Variants in FXN observed in about 807,000 individuals in gnomAD.
FXN encodes the protein frataxin.
FXN carries 14 observed loss-of-function variants against 22.4 expected under a neutral mutation model. That is an observed-to-expected ratio of 0.62 (90% CI 0.41 to 0.98). The LOEUF (loss-of-function observed/expected upper bound fraction) is 0.98, where lower values mean the gene tolerates loss of function less well. Ranked by LOEUF, FXN falls within the 50% of genes least tolerant of loss-of-function variation. The pLI is 0.00. For synonymous variants in FXN, 120 were observed against 114.1 expected (o/e 1.05, Z -0.33); for missense variants, 267 against 268.4 (o/e 0.99, Z 0.04).
In FXN at chr9:69,063,829, G is replaced by A. The variant is rs530185678; in HGVS notation, c.385-1109G>A. The stretch of plus-strand genomic sequence containing the variant: ...CTCCCAAGTAGCTGGGACCACAGGC[G>A]CATGCCACCACACTTGGCTAATTTT... On this transcript the variant is annotated intron_variant, in intron 3 of 4. Coordinates refer to ENST00000484259, the MANE Select transcript of FXN (RefSeq NM_000144.5). 1.6e-4 allele frequency among the ~76,000 whole-genome samples: 24 copies of A among 152,174 alleles called. No homozygotes were observed. In the South Asian group the frequency reaches 4.4e-3, roughly 28 times the overall value.
At position 69,078,204 on chromosome 9, in the gene FXN, C is replaced by T; in HGVS notation, c.*5442C>T. Reference sequence around the variant, plus strand: ...GCTGTGTACTGCACATCTCCAGGTGCCACTGTTGACAGAGATTATAACTAC... The same window carrying T: ...GCTGTGTACTGCACATCTCCAGGTGTCACTGTTGACAGAGATTATAACTAC... On this transcript the variant is annotated 3_prime_UTR_variant, in exon 5 of 5. Coordinates refer to ENST00000484259, the MANE Select transcript of FXN (RefSeq NM_000144.5). 1 of 984,178 alleles carries T rather than the reference C, an allele frequency of 1.0e-6. No individual in the cohort carries two copies. Among genetic ancestry groups the T allele is most frequent in the East Asian group, 1.1e-4 (1 of 8,802 alleles). 61.0% of individuals were successfully genotyped at this position (984,178 alleles called of 1,614,324 possible).
intron 2 of FXN, among the ~76,000 whole-genome samples, chr9:69,047,585 G>A (rs557837336): frequency 1.3e-5 from 2 of 152,332 alleles, no homozygotes; most frequent in East Asian, 3.9e-4. Context: ...AAGGCAGGCA[G>A]GCAGTGGGAA....
rs1241953883 is a variant in FXN at position 69,074,852 on chromosome 9, G to C, written c.*2090G>C. On this transcript the variant is annotated 3_prime_UTR_variant, in exon 5 of 5. Transcript: ENST00000484259. Reference sequence around the variant, plus strand: ...AGTCTGATGGAAATGTTTAAGTGCAGTAGGCCAGTGCCAGTGAGAAAATAA... The same window carrying C: ...AGTCTGATGGAAATGTTTAAGTGCACTAGGCCAGTGCCAGTGAGAAAATAA... 1 of 984,460 alleles carries C rather than the reference G, an allele frequency of 1.0e-6. No homozygotes were observed. The highest frequency in any genetic ancestry group is 1.2e-6 in the Non-Finnish European group (1 of 828,998). The allele number at this position is 984,460 out of a possible 1,614,324, so 61.0% of individuals were successfully genotyped here. A position where few individuals can be genotyped will look rare whatever the true frequency, so the allele number is the denominator to read the frequency against.
At chr9:69,060,853 G>A (rs1832058790) in intron 3 of FXN, among the ~76,000 whole-genome samples, 1 of 152,196 alleles carries the variant, frequency 6.6e-6, no homozygotes, top group Non-Finnish European at 1.5e-5. Flanking sequence ...GGAGGTGCTA[G>A]ACCTGCAGAT....
In FXN at chr9:69,077,032, G is replaced by A. The variant is rs1223873475; in HGVS notation, c.*4270G>A. On this transcript the variant is annotated 3_prime_UTR_variant, in exon 5 of 5. Coordinates refer to ENST00000484259, the MANE Select transcript of FXN (RefSeq NM_000144.5). Reference sequence around the variant, plus strand: ...TGGGTTCAAGCAATTCTCTGCCTCAGCCTCCCGAGTAGCTGGGATTACAGG... The same window carrying A: ...TGGGTTCAAGCAATTCTCTGCCTCAACCTCCCGAGTAGCTGGGATTACAGG... 4 of 549,850 alleles carry A rather than the reference G, an allele frequency of 7.3e-6. No homozygotes were observed. In the East Asian group the frequency reaches 5.9e-4, roughly 81 times the overall value. The allele number at this position is 549,850 out of a possible 1,614,324, so 34.1% of individuals were successfully genotyped here.
At chr9:69,057,166 A>C (rs1320851965) in intron 3 of FXN, among the ~76,000 whole-genome samples, 2 of 151,198 alleles carry the variant, frequency 1.3e-5, no homozygotes, top group East Asian at 1.9e-4. Context: ...TCCTGTTTGA[A>C]CTCCTTTCCC....
rs1178634975 is a variant in FXN, at chr9:69,078,285, C to T, written c.*5523C>T. 9 of 985,102 alleles carry T rather than the reference C, an allele frequency of 9.1e-6. No individual in the cohort carries two copies. The highest frequency in any genetic ancestry group is 6.1e-5 in the Admixed American group (1 of 16,272). 61.0% of individuals were successfully genotyped at this position (985,102 alleles called of 1,614,324 possible). ...ATGCAAACCGTCCAGAGCATAGCCACCTGATCCTGCTGGGATTCCTCTTGC... is the reference window on the plus strand; with the variant it reads ...ATGCAAACCGTCCAGAGCATAGCCATCTGATCCTGCTGGGATTCCTCTTGC... On this transcript the variant is annotated 3_prime_UTR_variant, in exon 5 of 5. Transcript: ENST00000484259.
intron 3 of FXN, among the ~76,000 whole-genome samples, chr9:69,055,990 C>T (rs1280626859): frequency 2.0e-5 from 3 of 152,192 alleles, no homozygotes; most frequent in South Asian, 2.1e-4. Flanking sequence ...CTCAAGTGAT[C>T]GTTCCACCTC....
rs1444153422 is a variant in FXN, at chr9:69,076,170, C to G, written c.*3408C>G. 2.0e-6 allele frequency: 2 copies of G among 983,774 alleles called. No individual in the cohort carries two copies. Among genetic ancestry groups the G allele is most frequent in the Non-Finnish European group, 2.4e-6 (2 of 829,490 alleles). 60.9% of individuals were successfully genotyped at this position (983,774 alleles called of 1,614,324 possible). A position where few individuals can be genotyped will look rare whatever the true frequency, so the allele number is the denominator to read the frequency against. ...TTGAATCACAAATTTAGAATTTAAT[C>G]GAAACTCTGCCTCTTACTTGTTTGT... On this transcript the variant is annotated 3_prime_UTR_variant, in exon 5 of 5. Transcript: ENST00000484259.
chr9:69,067,367 C>T (rs894850393), intron 4 of FXN, among the ~76,000 whole-genome samples: 4 of 152,252 alleles, frequency 2.6e-5, no homozygotes, highest in Admixed American at 2.0e-4. Context: ...CAGGATTCCG[C>T]GGGAAGATCC....
chr9:69,076,493 T>C lies in FXN; in HGVS notation c.*3731T>C. On this transcript the variant is annotated 3_prime_UTR_variant, in exon 5 of 5. Transcript: ENST00000484259. Reference sequence around the variant, plus strand: ...TTTATCGTGTGCCTTACCATGCTTATATTTTACTTGATCTTTTGCATACCT... The same window carrying C: ...TTTATCGTGTGCCTTACCATGCTTACATTTTACTTGATCTTTTGCATACCT... 1.0e-6 allele frequency: 1 copy of C among 985,464 alleles called. No individual in the cohort carries two copies. The highest frequency in any genetic ancestry group is 1.2e-6 in the Non-Finnish European group (1 of 829,910). The allele number at this position is 985,464 out of a possible 1,614,324, so 61.0% of individuals were successfully genotyped here.
At chr9:69,047,336 G>GAC (rs1028907172) in intron 2 of FXN, among the ~76,000 whole-genome samples, 47 of 146,768 alleles carry the variant, frequency 3.2e-4, no homozygotes, top group African/African-American at 9.6e-4. Flanking sequence ...CACAGACACA[G>GAC]ACACACACAC....
intron 1 of FXN, among the ~76,000 whole-genome samples, chr9:69,037,322 C>T (rs1476547356): frequency 7.9e-6 from 1 of 126,076 alleles, no homozygotes; most frequent in African/African-American, 2.9e-5. Context: ...AAAAGTTAGC[C>T]GGGCGTGGTG....
rs544191450 is a variant in FXN, at chr9:69,073,252, C to A, written c.*490C>A. 10 of 1,025,424 alleles carry A rather than the reference C, an allele frequency of 9.8e-6. No individual in the cohort carries two copies. The highest frequency in any genetic ancestry group is 1.1e-5 in the Non-Finnish European group (9 of 854,364). The allele number at this position is 1,025,424 out of a possible 1,614,324, so 63.5% of individuals were successfully genotyped here. On this transcript the variant is annotated 3_prime_UTR_variant, in exon 5 of 5. Coordinates refer to ENST00000484259, the MANE Select transcript of FXN (RefSeq NM_000144.5). The stretch of plus-strand genomic sequence containing the variant: ...TCAGGCTTCTTTCAAAGTGTAAGCA[C>A]TTCTGAGCTCTTTAGCATTGAAGTG...
chr9:69,058,947 A>T (rs1832014343), intron 3 of FXN, among the ~76,000 whole-genome samples: 2 of 152,190 alleles, frequency 1.3e-5, no homozygotes, highest in East Asian at 3.8e-4. Flanking sequence ...AGGCACCTGT[A>T]GTCCCAGCTA....
chr9:69,038,170 C>G (rs1831597081), intron 1 of FXN, among the ~76,000 whole-genome samples: 1 of 152,242 alleles, frequency 6.6e-6, no homozygotes, highest in African/African-American at 2.4e-5. Context: ...TTTAACCTGT[C>G]TGTTCCATAG....
chr9:69,037,284 A>AAAGAAGAAG (rs193922938), intron 1 of FXN, among the ~76,000 whole-genome samples: 8,612 of 77,990 alleles, frequency 0.11, 750 homozygotes, highest in Admixed American at 0.25. Flanking sequence ...AAAAAAAAAA[A>AAAGAAGAAG]AAGAAGAAGA....
At chr9:69,053,349 C>A in intron 3 of FXN, 89 bp downstream of exon 3, 5 of 1,437,518 alleles carry the variant, frequency 3.5e-6, no homozygotes, top group Non-Finnish European at 4.9e-6. Flanking sequence ...CAGAGCTAAG[C>A]ATCAAGTAGC....
chr9:69,055,496 CTT>C (rs780057588), intron 3 of FXN, among the ~76,000 whole-genome samples: 37 of 140,412 alleles, frequency 2.6e-4, no homozygotes, highest in Admixed American at 2.9e-4. Flanking sequence ...TCTTCTTCTT[CTT>C]TTTTTTTTTT....
Sources: allele counts gnomAD v4.1 joint callset (sites outside exome capture counted in the v4.1 genomes callset), GRCh38; gene constraint gnomAD v4.1.1; transcripts MANE v1.5; gene names NCBI Gene and HGNC (gene_info 2026-07-23, HGNC 2026-07-21).